SMN2: variants seen among roughly 807,000 people sequenced by gnomAD.
The protein encoded by SMN2 is survival motor neuron protein.
Under a neutral mutation model 2.8 loss-of-function variants are expected in SMN2, and 1 was observed. That is an observed-to-expected ratio of 0.35 (90% CI 0.13 to 1.68). The LOEUF is 1.68. SMN2 is among the 40% of genes most tolerant of loss of function. The pLI is 0.35. For missense variants in SMN2, 12 were observed against 16.9 expected, an observed-to-expected ratio of 0.71 and a Z score of 0.51; for synonymous variants, 5 against 5.0, an observed-to-expected ratio of 0.99 and a Z score of 0.01.
chr5:70,077,578 TA>T lies in SMN2; in HGVS notation c.*565del, dbSNP rs1344302134. The T allele has an allele frequency of 1.1e-5, 1 of 91,870 alleles. No individual in the cohort carries two copies. The highest frequency in any genetic ancestry group is 2.0e-5 in the Non-Finnish European group (1 of 49,542). 5.7% of individuals were successfully genotyped at this position (91,870 alleles called of 1,614,324 possible). A position where few individuals can be genotyped will look rare whatever the true frequency, so the allele number is the denominator to read the frequency against. ...TTTAAAAGTATATAATAAAAATATT[TA>T]ATTTTTTTTTAAATTAGCTGTATCT... On this transcript the variant is annotated 3_prime_UTR_variant, in exon 9 of 9. Transcript: ENST00000380743.
the SMN2 span, among the ~76,000 whole-genome samples, chr5:70,088,424 C>CTTT: frequency 2.2e-3 from 81 of 36,660 alleles, 3 homozygotes; most frequent in African/African-American, 4.4e-3. Context: ...AAGTTTCAAA[C>CTTT]TTTTTTTTTT....
downstream of SMN2, among the ~76,000 whole-genome samples, chr5:70,082,042 T>A (rs1182960269): frequency 7.4e-6 from 1 of 135,938 alleles, no homozygotes; most frequent in Non-Finnish European, 1.5e-5. Flanking sequence ...GTCCCATCAG[T>A]ACCTCATTTA....
At chr5:70,074,257 AT>A (rs1302168469) in intron 7 of SMN2, among the ~76,000 whole-genome samples, 1 of 10,808 alleles carries the variant, frequency 9.3e-5, no homozygotes, top group African/African-American at 3.2e-4. Context: ...TTGACTTTAA[AT>A]TTTTTTTTTA....
chr5:70,076,731 A>G lies in SMN2; in HGVS notation c.*3+157A>G. The G allele has an allele frequency of 9.9e-6, 12 of 1,216,410 alleles. 1 individual carries two copies. The highest frequency in any genetic ancestry group is 1.3e-5 in the Non-Finnish European group (12 of 910,752). The allele number at this position is 1,216,410 out of a possible 1,614,324, so 75.4% of individuals were successfully genotyped here. A position where few individuals can be genotyped will look rare whatever the true frequency, so the allele number is the denominator to read the frequency against. ...ATTAAAGAATTTTGATGCCAAAACTATTAGATAAAAGGTTAATCTACATCC... is the reference window on the plus strand; with the variant it reads ...ATTAAAGAATTTTGATGCCAAAACTGTTAGATAAAAGGTTAATCTACATCC... On this transcript the variant is annotated intron_variant, in intron 8 of 8. Coordinates refer to ENST00000380743, the MANE Select transcript of SMN2 (RefSeq NM_017411.4).
downstream of SMN2, among the ~76,000 whole-genome samples, chr5:70,079,407 GGGC>G (rs1311903146): frequency 3.6e-5 from 5 of 138,812 alleles, no homozygotes; most frequent in Non-Finnish European, 7.6e-5. Flanking sequence ...ACTCAAGCCT[GGGC>G]TAAAAAGCGA....
intron 6 of SMN2, among the ~76,000 whole-genome samples, chr5:70,070,187 G>A (rs1488543530): frequency 6.1e-5 from 8 of 132,216 alleles, no homozygotes; most frequent in African/African-American, 1.6e-4. Flanking sequence ...TTAAGGAAAA[G>A]CATGAAAGTA....
At chr5:70,077,926 G>A (rs1774803419), downstream of SMN2, 1 of 117,332 alleles carries the variant, frequency 8.5e-6, no homozygotes, top group African/African-American at 4.4e-5. Flanking sequence ...TAGTAGAGAT[G>A]GAGTTTCACC....
chr5:70,080,204 G>A (rs1271660720), downstream of SMN2, among the ~76,000 whole-genome samples: 18 of 132,058 alleles, frequency 1.4e-4, 5 homozygotes, highest in Admixed American at 1.2e-3. Context: ...GGTGGTGGGC[G>A]CCTGTGATCC....
chr5:70,083,175 T>G (rs1742057616), downstream of SMN2, among the ~76,000 whole-genome samples: 1 of 82,452 alleles, frequency 1.2e-5, no homozygotes, highest in Non-Finnish European at 2.2e-5. Context: ...TGGTTTTGAG[T>G]GAGTTTCTTA....
chr5:70,079,278 C>T (rs1774815879), downstream of SMN2, among the ~76,000 whole-genome samples: 2 of 144,278 alleles, frequency 1.4e-5, no homozygotes, highest in Admixed American at 1.3e-4. Flanking sequence ...ACTAAAAATA[C>T]AAAAATTAGC....
intron 7 of SMN2, among the ~76,000 whole-genome samples, chr5:70,074,733 C>T (rs1190423447): frequency 1.5e-5 from 2 of 129,090 alleles, no homozygotes; most frequent in African/African-American, 3.1e-5. Context: ...TGGCTCACGC[C>T]GGTAATCCCA....
At chr5:70,079,818 A>C (rs1580737330), downstream of SMN2, among the ~76,000 whole-genome samples, 1 of 41,644 alleles carries the variant, frequency 2.4e-5, no homozygotes, top group African/African-American at 2.6e-4. Flanking sequence ...GCTTCTGTAC[A>C]CTTTTTTTTT....
intron 7 of SMN2, chr5:70,071,518 T>TA (rs1159663622): frequency 1.1e-5 from 1 of 92,120 alleles, no homozygotes; most frequent in African/African-American, 8.0e-5. Flanking sequence ...TTTATTTTAT[T>TA]TTTTTTTTTT....
chr5:70,075,212 G>GTT (rs1431135180), intron 7 of SMN2, among the ~76,000 whole-genome samples: 3 of 75,326 alleles, frequency 4.0e-5, no homozygotes, highest in Non-Finnish European at 5.0e-5. Flanking sequence ...GTTTTGTTTT[G>GTT]TTTTTTGTTT....
downstream of SMN2, among the ~76,000 whole-genome samples, chr5:70,079,472 T>G (rs532832024): frequency 7.2e-4 from 106 of 147,538 alleles, no homozygotes; most frequent in African/African-American, 2.6e-3. Flanking sequence ...AGAGCAACTC[T>G]GGGCCAGGCA....
rs1242095889 is a variant in SMN2, at chr5:70,075,978, C to T, written c.835-543C>T. Among the ~76,000 whole-genome samples the T allele has an allele frequency of 7.1e-5, 9 of 126,334 alleles. 1 individual carries two copies. The highest frequency in any genetic ancestry group is 3.2e-4 in the African/African-American group (9 of 27,920). The allele number at this position is 126,334 out of a possible 152,430, so 82.9% of individuals were successfully genotyped here. A position where few individuals can be genotyped will look rare whatever the true frequency, so the allele number is the denominator to read the frequency against. On this transcript the variant is annotated intron_variant, in intron 7 of 8. Coordinates refer to ENST00000380743, the MANE Select transcript of SMN2 (RefSeq NM_017411.4). ...AAGTGATTCTCCTGCCTCAACCTCC[C>T]AAGTAGCTGGGATTAGAGGTCCCCA...
At chr5:70,088,518 A>G in the SMN2 span, among the ~76,000 whole-genome samples, 15 of 82,394 alleles carry the variant, frequency 1.8e-4, 2 homozygotes, top group African/African-American at 8.7e-4. Context: ...GCTCACTGCA[A>G]CCTCTGCCTC....
chr5:70,081,966 T>C (rs1774862312), downstream of SMN2, among the ~76,000 whole-genome samples: 3 of 116,542 alleles, frequency 2.6e-5, no homozygotes, highest in South Asian at 8.2e-4. Flanking sequence ...TGCTTCCAGT[T>C]TTTGCCCATT....
the SMN2 span, among the ~76,000 whole-genome samples, chr5:70,084,426 A>G: frequency 7.7e-6 from 1 of 129,412 alleles, no homozygotes. Context: ...TGACCTTGTG[A>G]TCTGCTCGCC....
Sources: allele counts gnomAD v4.1 joint callset (sites outside exome capture counted in the v4.1 genomes callset), GRCh38; gene constraint gnomAD v4.1.1; transcripts MANE v1.5; gene names NCBI Gene and HGNC (gene_info 2026-07-23, HGNC 2026-07-21).